Variants in PIGL observed in about 807,000 individuals in gnomAD.
PIGL encodes the protein N-acetylglucosaminyl-phosphatidylinositol de-N-acetylase.
In PIGL, 22 loss-of-function variants were observed where a neutral mutation model predicts 31.1. The ratio of observed to expected loss-of-function variants is 0.71; its 90% CI spans 0.51 to 1.01. PIGL has a LOEUF of 1.01. Among genes scored for constraint, PIGL ranks in the 50% least tolerant of loss-of-function variants. PIGL has a pLI of 0.00. For synonymous variants in PIGL, 131 were observed against 117.4 expected (o/e 1.12, Z -0.75); for missense variants, 302 against 315.9 (o/e 0.96, Z 0.33).
chr17:16,260,364 G>C (rs2092814206), intron 2 of PIGL, among the ~76,000 whole-genome samples: 1 of 152,186 alleles, frequency 6.6e-6, no homozygotes, highest in Non-Finnish European at 1.5e-5. Context: ...ACCTGCCCAT[G>C]GCAAACCATG....
intron 2 of PIGL, among the ~76,000 whole-genome samples, chr17:16,259,755 G>A: frequency 6.6e-6 from 1 of 152,144 alleles, no homozygotes; most frequent in East Asian, 1.9e-4. Flanking sequence ...AGTGGGCATG[G>A]CTGGGGCTGC....
At chr17:16,312,928 A>AGGGGGGGGGGGGG (rs869065594) in intron 3 of PIGL, 2 of 25,338 alleles carry the variant, frequency 7.9e-5, no homozygotes, top group African/African-American at 2.7e-4. Context: ...GGGAGGGGGA[A>AGGGGGGGGGGGGG]GGGGGGGGGA....
At chr17:16,269,271 T>C (rs1362594316) in intron 2 of PIGL, among the ~76,000 whole-genome samples, 1 of 152,242 alleles carries the variant, frequency 6.6e-6, no homozygotes, top group Admixed American at 6.5e-5. Flanking sequence ...GCCTAGGCTT[T>C]ACATGGCCAG....
intron 2 of PIGL, among the ~76,000 whole-genome samples, chr17:16,241,209 A>G (rs1173418928): frequency 1.3e-5 from 2 of 151,818 alleles, no homozygotes; most frequent in Non-Finnish European, 2.9e-5. Flanking sequence ...AGGTGGATAA[A>G]GATTAGCGAG....
At chr17:16,281,293 G>A (rs868533789) in intron 2 of PIGL, among the ~76,000 whole-genome samples, 1 of 152,148 alleles carries the variant, frequency 6.6e-6, no homozygotes, top group Middle Eastern at 3.2e-3. Context: ...GCTAAATTTT[G>A]ACATGTTTTA....
At chr17:16,228,407 C>T (rs1271669883) in intron 1 of PIGL, among the ~76,000 whole-genome samples, 3 of 151,440 alleles carry the variant, frequency 2.0e-5, no homozygotes, top group African/African-American at 4.9e-5. Context: ...TTTTTTGAGA[C>T]GGAGTCTTGC....
At chr17:16,235,435 CTTTTTTTTTTTTT>C (rs903174807) in intron 2 of PIGL, among the ~76,000 whole-genome samples, 5 of 90,924 alleles carry the variant, frequency 5.5e-5, no homozygotes, top group East Asian at 3.1e-4. Flanking sequence ...TGTCTACGTT[CTTTTTTTTTTTTT>C]TTTTTTTTTT....
intron 2 of PIGL, among the ~76,000 whole-genome samples, chr17:16,282,917 T>C (rs1436334571): frequency 6.6e-6 from 1 of 151,996 alleles, no homozygotes; most frequent in East Asian, 1.9e-4. Flanking sequence ...CCCAGCACTT[T>C]GGGAAGCTGA....
At chr17:16,226,675 T>C (rs2092653588) in intron 1 of PIGL, among the ~76,000 whole-genome samples, 1 of 152,160 alleles carries the variant, frequency 6.6e-6, no homozygotes, top group African/African-American at 2.4e-5. Context: ...TTTTTTCTTA[T>C]TTTCCCTTCT....
At position 16,245,480 on chromosome 17, in the gene PIGL, C is replaced by T. The variant is rs375105709; in HGVS notation, c.335+11410C>T. Among the ~76,000 whole-genome samples the T allele has an allele frequency of 5.4e-5, 8 of 148,022 alleles. No homozygotes were observed. The East Asian group carries it at 9.8e-4, about 18-fold the overall frequency. ...TCAGTTTAGGATGGGTTTATTGGGA[C>T]GTAGCCAGATTGTAAGCCAGGGAGT... On this transcript the variant is annotated intron_variant, in intron 2 of 6. Transcript: ENST00000225609.
intron 2 of PIGL, among the ~76,000 whole-genome samples, chr17:16,260,135 A>G (rs1336196291): frequency 1.3e-5 from 2 of 152,182 alleles, no homozygotes. Flanking sequence ...TGCTGAGGGC[A>G]GCTCACCATG....
intron 1 of PIGL, among the ~76,000 whole-genome samples, chr17:16,224,744 C>G (rs1031460584): frequency 6.6e-6 from 1 of 152,132 alleles, no homozygotes; most frequent in Non-Finnish European, 1.5e-5. Context: ...GCAACCTCCA[C>G]CTCCCAGGTT....
At chr17:16,303,915 C>T (rs574358335) in intron 3 of PIGL, among the ~76,000 whole-genome samples, 7 of 152,112 alleles carry the variant, frequency 4.6e-5, no homozygotes, top group Admixed American at 3.9e-4. Context: ...GGGGTTTCGC[C>T]GTGTTAGCCA....
At chr17:16,295,331 T>G (rs1600835417) in intron 2 of PIGL, among the ~76,000 whole-genome samples, 1 of 147,330 alleles carries the variant, frequency 6.8e-6, no homozygotes, top group Admixed American at 6.9e-5. Flanking sequence ...TGAACCCAGG[T>G]GGCGGAGGTT....
At chr17:16,309,455 G>A (rs1288798403) in intron 3 of PIGL, among the ~76,000 whole-genome samples, 6 of 152,222 alleles carry the variant, frequency 3.9e-5, no homozygotes, top group African/African-American at 1.4e-4. Flanking sequence ...ACAGTAATCT[G>A]GTTCAGGATA....
chr17:16,268,815 T>G (rs919737385), intron 2 of PIGL, among the ~76,000 whole-genome samples: 1 of 151,362 alleles, frequency 6.6e-6, no homozygotes, highest in African/African-American at 2.4e-5. Flanking sequence ...CAGGCTGGAG[T>G]GCAGTGGCGC....
At chr17:16,280,720 G>C (rs1463097194) in intron 2 of PIGL, among the ~76,000 whole-genome samples, 1 of 151,872 alleles carries the variant, frequency 6.6e-6, no homozygotes, top group African/African-American at 2.4e-5. Flanking sequence ...GTTTTGTTTT[G>C]TTTGAGATAG....
chr17:16,224,363 G>C (rs2092642448), intron 1 of PIGL, among the ~76,000 whole-genome samples: 3 of 151,882 alleles, frequency 2.0e-5, no homozygotes, highest in Non-Finnish European at 2.9e-5. Flanking sequence ...GAGCCTCACT[G>C]TTGCACAATC....
chr17:16,295,974 GA>G (rs1321032668), intron 2 of PIGL, among the ~76,000 whole-genome samples: 1 of 151,742 alleles, frequency 6.6e-6, no homozygotes, highest in African/African-American at 2.4e-5. Flanking sequence ...ATATTCAGGA[GA>G]AAAAATGAAA....
Sources: gnomAD v4.1 joint callset for allele counts (sites outside exome capture counted in the v4.1 genomes callset) on GRCh38, gnomAD v4.1.1 for gene constraint, MANE v1.5 for transcripts, NCBI Gene and HGNC (gene_info 2026-07-23, HGNC 2026-07-21) for gene names.